The following PPP1R13B variants were observed in gnomAD, a reference collection of about 807,000 sequenced individuals.
The protein encoded by PPP1R13B is apoptosis-stimulating of p53 protein 1.
Under a neutral mutation model 119.8 loss-of-function variants are expected in PPP1R13B, and 44 were observed. The observed-to-expected ratio is 0.37, with a 90% CI of 0.29 to 0.47. PPP1R13B has a LOEUF of 0.47. PPP1R13B is among the 20% of genes least tolerant of loss of function. The pLI, the probability that PPP1R13B is intolerant of heterozygous loss-of-function variation, is 0.99. For missense variants in PPP1R13B, 1,227 were observed against 1,413.5 expected (o/e 0.87, Z 2.12); for synonymous variants, 542 against 561.5 (o/e 0.97, Z 0.49).
At chr14:103,802,598 G>A (rs776767735) in intron 1 of PPP1R13B, among the ~76,000 whole-genome samples, 2 of 152,132 alleles carry the variant, frequency 1.3e-5, no homozygotes, top group African/African-American at 2.4e-5. Context: ...TATAGCACGC[G>A]TAAAGCAGTA....
In PPP1R13B at chr14:103,762,847, G is replaced by A. The variant is rs577320091; in HGVS notation, c.355-5096C>T. On this transcript the variant is annotated intron_variant, in intron 4 of 16. Coordinates refer to ENST00000202556, the MANE Select transcript of PPP1R13B (RefSeq NM_015316.3). ...AGGAGAAAGAATCACCAAAAGCAGG[G>A]AAGAGTGGAAAAAGTTCAAAAGAAG... is the stretch of plus-strand genomic sequence containing the variant. 234 of 1,024,056 alleles carry A rather than the reference G, an allele frequency of 2.3e-4. 1 individual carries two copies. The East Asian group carries it at 5.7e-3, about 25-fold the overall frequency. 63.4% of individuals were successfully genotyped at this position (1,024,056 alleles called of 1,614,324 possible).
rs2084181750 is a variant in PPP1R13B at position 103,739,018 on chromosome 14, C to T, written c.2598G>A (p.Lys866=). The change falls in exon 13 of 17, where the codon AAG becomes AAA. Residue 866 remains lysine, a synonymous_variant. Transcript: ENST00000202556. The part of the protein sequence containing the change: ...ASHPPATSTN[K]RTNLKKPNSE... ...AGTTGGGCTTCTTCAAGTTGGTCCG[C>T]TTGTTCTGTTGGGAAGGAAGCACGC... 2 of 1,613,164 alleles carry T rather than the reference C, an allele frequency of 1.2e-6. No individual in the cohort carries two copies. The highest frequency in any genetic ancestry group is 2.2e-5 in the South Asian group (2 of 90,962).
chr14:103,808,077 C>G (rs1285163422), intron 1 of PPP1R13B, among the ~76,000 whole-genome samples: 1 of 151,718 alleles, frequency 6.6e-6, no homozygotes, highest in African/African-American at 2.4e-5. Flanking sequence ...CCCATCTCTA[C>G]TAAAAATACA....
Position 103,738,812 on chromosome 14 carries a change from C to T in PPP1R13B, c.2731G>A (p.Val911Met). The change falls in exon 14 of 17, where the codon GTG becomes ATG. Residue 911 changes from valine to methionine, a missense_variant and splice_region_variant. Val to Met is a conservative substitution (Grantham distance 21, BLOSUM62 1). Coordinates refer to ENST00000202556, the MANE Select transcript of PPP1R13B (RefSeq NM_015316.3). This position sits in a 1 kb window ranked among gnomAD's most constrained non-coding sequence, Gnocchi z 5.6. The part of the protein sequence containing the change: ...FDLVQRIIYE[V>M]EDPSKPNDEG... The stretch of plus-strand genomic sequence containing the variant: ...TCGTTGGGCTTGCTGGGATCTTCCA[C>T]CTAGGACACACGGCCTGTGAGCGCC... The T allele has an allele frequency of 6.2e-7, 1 of 1,614,088 alleles. No individual in the cohort carries two copies. The highest frequency in any genetic ancestry group is 8.5e-7 in the Non-Finnish European group (1 of 1,179,998).
At chr14:103,799,065 T>A (rs2085831477) in intron 1 of PPP1R13B, among the ~76,000 whole-genome samples, 1 of 152,188 alleles carries the variant, frequency 6.6e-6, no homozygotes, top group Admixed American at 6.6e-5. Flanking sequence ...AATGTCGCGA[T>A]CTTGGTTCAC....
intron 1 of PPP1R13B, among the ~76,000 whole-genome samples, chr14:103,811,401 A>G (rs2086152951): frequency 6.6e-6 from 1 of 152,132 alleles, no homozygotes; most frequent in Non-Finnish European, 1.5e-5. Context: ...GGTGGTTCAC[A>G]CCTATAATCC....
intron 1 of PPP1R13B, among the ~76,000 whole-genome samples, chr14:103,826,651 A>C (rs1161246748): frequency 6.6e-6 from 1 of 151,372 alleles, no homozygotes; most frequent in Admixed American, 6.6e-5. Context: ...GGCCATGCAC[A>C]GTGGGGAAGA....
At chr14:103,811,002 A>G (rs146733094) in intron 1 of PPP1R13B, among the ~76,000 whole-genome samples, 3,521 of 144,732 alleles carry the variant, frequency 0.024, 53 homozygotes, top group South Asian at 0.04. Context: ...CTGAAGCAGG[A>G]GAATTGCTTA....
intron 15 of PPP1R13B, 138 bp from the exon 16 acceptor site, chr14:103,736,340 GAC>G: frequency 1.1e-6 from 1 of 874,682 alleles, no homozygotes; most frequent in Non-Finnish European, 1.8e-6. Flanking sequence ...AGGGAGATGA[GAC>G]ACTATTGAAG....
At chr14:103,801,450 T>C (rs2085898700) in intron 1 of PPP1R13B, among the ~76,000 whole-genome samples, 1 of 152,214 alleles carries the variant, frequency 6.6e-6, no homozygotes, top group Non-Finnish European at 1.5e-5. Flanking sequence ...GAGTTCTCTC[T>C]GGCAGCCGTC....
intron 1 of PPP1R13B, among the ~76,000 whole-genome samples, chr14:103,806,988 T>C (rs12885509): frequency 0.29 from 44,268 of 152,130 alleles, 6,933 homozygotes; most frequent in Non-Finnish European, 0.34. Context: ...GTTTCCTCTC[T>C]GAGAATAAAT....
chr14:103,746,723 A>T, intron 8 of PPP1R13B, 170 bp from the exon 9 acceptor site: 1 of 540,128 alleles, frequency 1.9e-6, no homozygotes, highest in Non-Finnish European at 3.2e-6. Context: ...GTGGAGAAGG[A>T]ACTGTAGCTT....
intron 1 of PPP1R13B, among the ~76,000 whole-genome samples, chr14:103,837,635 C>T (rs1256095768): frequency 2.0e-5 from 3 of 152,034 alleles, no homozygotes. Context: ...CTATTTACTG[C>T]TTTTCAACTG....
intron 1 of PPP1R13B, among the ~76,000 whole-genome samples, chr14:103,834,978 C>G (rs1422636189): frequency 6.6e-6 from 1 of 152,216 alleles, no homozygotes; most frequent in Non-Finnish European, 1.5e-5. Context: ...TAGCTACTCT[C>G]AGCATGAAGG....
chr14:103,762,628 ATAT>A (rs950955135), intron 4 of PPP1R13B, among the ~76,000 whole-genome samples: 4 of 152,064 alleles, frequency 2.6e-5, no homozygotes, highest in African/African-American at 9.7e-5. Flanking sequence ...CACCATAATA[ATAT>A]TTGGAATAGG....
chr14:103,737,109 C>T (rs1457483145), intron 15 of PPP1R13B: 1 of 152,458 alleles, frequency 6.6e-6, no homozygotes, highest in Non-Finnish European at 1.5e-5. Flanking sequence ...AACATCTATG[C>T]AAAGCACAGC....
At chr14:103,766,585 A>G (rs1378851206) in intron 4 of PPP1R13B, among the ~76,000 whole-genome samples, 1 of 152,188 alleles carries the variant, frequency 6.6e-6, no homozygotes, top group Non-Finnish European at 1.5e-5. Flanking sequence ...CATCTTAATA[A>G]TCTAAATCAT....
chr14:103,813,158 C>A (rs1002422118), intron 1 of PPP1R13B, among the ~76,000 whole-genome samples: 1 of 152,122 alleles, frequency 6.6e-6, no homozygotes, highest in African/African-American at 2.4e-5. Context: ...CCAAGATGTC[C>A]TTCAGTAGAT....
At chr14:103,765,719 G>A (rs954050521) in intron 4 of PPP1R13B, among the ~76,000 whole-genome samples, 1 of 152,118 alleles carries the variant, frequency 6.6e-6, no homozygotes, top group Non-Finnish European at 1.5e-5. Context: ...TATCACTTAA[G>A]ACCTAGGAGG....
Sources: gnomAD v4.1 joint callset for allele counts (sites outside exome capture counted in the v4.1 genomes callset) on GRCh38, gnomAD v4.1.1 for gene constraint, Gnocchi (gnomAD v3.1) non-coding constraint, MANE v1.5 for transcripts, NCBI Gene and HGNC (gene_info 2026-07-23, HGNC 2026-07-21) for gene names.